The following INPP5B variants were observed in gnomAD, a reference collection of about 807,000 sequenced individuals.
The protein encoded by INPP5B is inositol polyphosphate-5-phosphatase B, also known as type II inositol 1,4,5-trisphosphate 5-phosphatase.
A neutral mutation model predicts 118.5 loss-of-function variants in INPP5B; 90 were observed. The ratio of observed to expected loss-of-function variants is 0.76; its 90% CI spans 0.64 to 0.90. The LOEUF is 0.90. INPP5B is among the 40% of genes least tolerant of loss of function. The pLI is 0.00. For synonymous variants in INPP5B, 385 were observed against 418.9 expected, an observed-to-expected ratio of 0.92 and a Z score of 0.99; for missense variants, 984 against 1,125.6, an observed-to-expected ratio of 0.87 and a Z score of 1.80.
intron 23 of INPP5B, 64 bp from the exon 24 acceptor site, chr1:37,862,494 T>C: frequency 1.0e-6 from 1 of 961,034 alleles, no homozygotes; most frequent in Non-Finnish European, 1.7e-6. Context: ...CACACATCAC[T>C]TAACGACAGG....
intron 14 of INPP5B, among the ~76,000 whole-genome samples, chr1:37,882,259 A>C (rs1430438601): frequency 6.6e-6 from 1 of 152,252 alleles, no homozygotes; most frequent in African/African-American, 2.4e-5. Context: ...TAGCCAGAAG[A>C]AAGTCACAGG....
Position 37,880,122 on chromosome 1 carries a change from A to C in INPP5B, c.1504T>G (p.Tyr502Asp), listed in dbSNP as rs907265515. The change falls in exon 15 of 24, where the codon TAC becomes GAC. Residue 502 changes from tyrosine to aspartate, a missense_variant. Physicochemically the swap from Tyr to Asp is radical, Grantham distance 160 (BLOSUM62 -3). This residue lies in a region of INPP5B where 634 missense variants were observed against 791.0 expected (regional missense o/e 0.80). Coordinates refer to ENST00000373024, the MANE Select transcript of INPP5B (RefSeq NM_005540.3). ...TEGELTFQPT[Y>D]KYDTGSDDWD... ...TCGTCAGAGCCCGTATCATACTTGT[A>C]AGTAGGCTGGAATGTGAGCTCACCC... 13 of 1,611,906 alleles carry C rather than the reference A, an allele frequency of 8.1e-6. No homozygotes were observed. The highest frequency in any genetic ancestry group is 1.1e-5 in the Non-Finnish European group (13 of 1,178,452).
intron 16 of INPP5B, 43 bp from the exon 17 acceptor site, chr1:37,875,759 C>T: frequency 6.9e-7 from 1 of 1,445,664 alleles, no homozygotes; most frequent in Non-Finnish European, 9.7e-7. Flanking sequence ...GGCTTCTGCC[C>T]ATTTCCTCTT....
At chr1:37,935,785 G>A (rs759742685) in intron 6 of INPP5B, among the ~76,000 whole-genome samples, 2 of 152,006 alleles carry the variant, frequency 1.3e-5, no homozygotes, top group Non-Finnish European at 2.9e-5. Context: ...CCTTAATGGC[G>A]GCCGGGCGCG....
intron 18 of INPP5B, 69 bp downstream of exon 18, chr1:37,873,924 A>G: frequency 2.4e-6 from 3 of 1,269,808 alleles, no homozygotes; most frequent in Non-Finnish European, 2.1e-6. Context: ...TCATTTTAGG[A>G]AAATGAGCAA....
intron 4 of INPP5B, 45 bp downstream of exon 4, chr1:37,943,751 G>A (rs757331456): frequency 1.9e-5 from 31 of 1,611,466 alleles, no homozygotes; most frequent in Non-Finnish European, 2.5e-5. Flanking sequence ...GATGAGCTGG[G>A]GGGCCCATAG....
chr1:37,866,106 AGCCTGGGCAACATGGC>A (rs1370346273), intron 21 of INPP5B, among the ~76,000 whole-genome samples: 24 of 152,116 alleles, frequency 1.6e-4, no homozygotes, highest in African/African-American at 5.8e-4. Flanking sequence ...GTAAATTCTT[AGCCTGGGCAACATGGC>A]GAAACCCTGC....
chr1:37,914,538 AC>A (rs1314899487), intron 7 of INPP5B, among the ~76,000 whole-genome samples: 5 of 151,870 alleles, frequency 3.3e-5, no homozygotes, highest in African/African-American at 1.2e-4. Context: ...CACCAAACTT[AC>A]CTTTTCACAC....
chr1:37,882,752 G>T, intron 14 of INPP5B, 55 bp downstream of exon 14: 2 of 1,390,524 alleles, frequency 1.4e-6, no homozygotes, highest in Non-Finnish European at 2.0e-6. Context: ...AGGCTTTTCT[G>T]TGCCCTCATG....
intron 22 of INPP5B, chr1:37,864,984 C>T (rs1641940563): frequency 6.6e-6 from 1 of 152,314 alleles, no homozygotes; most frequent in South Asian, 2.1e-4. Context: ...GTCAGTAGTT[C>T]AAGACCAACC....
At chr1:37,881,828 G>A (rs1045197357) in intron 14 of INPP5B, among the ~76,000 whole-genome samples, 9 of 152,128 alleles carry the variant, frequency 5.9e-5, no homozygotes, top group Admixed American at 1.3e-4. Flanking sequence ...GGCTGGGCGC[G>A]GTGGCTCATG....
At chr1:37,865,597 A>G (rs1641978950) in intron 22 of INPP5B, among the ~76,000 whole-genome samples, 164 bp downstream of exon 22, 2 of 152,196 alleles carry the variant, frequency 1.3e-5, no homozygotes, top group Non-Finnish European at 2.9e-5. Flanking sequence ...ATTAAGGGTG[A>G]TGCCATTAAA....
chr1:37,873,537 T>A (rs147188474), intron 18 of INPP5B: 246 of 326,432 alleles, frequency 7.5e-4, no homozygotes, highest in African/African-American at 5.0e-3. Flanking sequence ...ATTATCGGCC[T>A]GTGAATTGTC....
chr1:37,903,466 C>T (rs1009328928), intron 7 of INPP5B, among the ~76,000 whole-genome samples: 1 of 152,204 alleles, frequency 6.6e-6, no homozygotes, highest in Non-Finnish European at 1.5e-5. Flanking sequence ...GTGGCTCACG[C>T]CTGTAATCCC....
Position 37,894,964 on chromosome 1 carries a change from A to C in INPP5B, c.533-3510T>G, listed in dbSNP as rs116371428. On this transcript the variant is annotated intron_variant, in intron 7 of 23. Coordinates refer to ENST00000373024, the MANE Select transcript of INPP5B (RefSeq NM_005540.3). ...ATAACAAAAATAAGAAAGGAGAACTAGAATGGGTTATGTCTAGAGTTCTAC... is the reference window on the plus strand; with the variant it reads ...ATAACAAAAATAAGAAAGGAGAACTCGAATGGGTTATGTCTAGAGTTCTAC... Among the ~76,000 whole-genome samples, 734 of 152,380 alleles carry C rather than the reference A, an allele frequency of 4.8e-3. 9 individuals carry two copies. The highest frequency in any genetic ancestry group is 0.016 in the African/African-American group (656 of 41,588).
intron 19 of INPP5B, among the ~76,000 whole-genome samples, chr1:37,869,668 C>G (rs542797422): frequency 6.7e-6 from 1 of 150,204 alleles, no homozygotes; most frequent in African/African-American, 2.5e-5. Context: ...TTAGTAGAGA[C>G]GGGGGGTTTC....
intron 7 of INPP5B, among the ~76,000 whole-genome samples, chr1:37,899,130 G>T (rs889998225): frequency 6.9e-6 from 1 of 145,902 alleles, no homozygotes; most frequent in African/African-American, 2.6e-5. Flanking sequence ...GCAGTGAGCC[G>T]AGATCGCGCC....
chr1:37,911,972 G>C (rs563463748), intron 7 of INPP5B, among the ~76,000 whole-genome samples: 36 of 152,198 alleles, frequency 2.4e-4, no homozygotes, highest in East Asian at 7.7e-4. Flanking sequence ...CTGTCCTCGA[G>C]ATGCTACAGG....
chr1:37,891,641 G>A (rs796437701), intron 7 of INPP5B, among the ~76,000 whole-genome samples, 187 bp from the exon 8 acceptor site: 15 of 152,106 alleles, frequency 9.9e-5, no homozygotes, highest in African/African-American at 3.6e-4. Flanking sequence ...AGGCATGGTG[G>A]TGCATGCCTG....
Sources: gnomAD v4.1 joint callset for allele counts (sites outside exome capture counted in the v4.1 genomes callset) on GRCh38, gnomAD v4.1.1 for gene constraint, gnomAD v4.1.1 regional missense constraint, MANE v1.5 for transcripts, NCBI Gene and HGNC (gene_info 2026-07-23, HGNC 2026-07-21) for gene names.